SPATA16: variants seen among roughly 807,000 people sequenced by gnomAD.
SPATA16 encodes the protein spermatogenesis-associated protein 16.
SPATA16 carries 36 observed loss-of-function variants against 63.3 expected under a neutral mutation model. The ratio of observed to expected loss-of-function variants is 0.57; its 90% CI spans 0.44 to 0.75. The LOEUF is 0.75. SPATA16 is among the 30% of genes least tolerant of loss of function. The probability of loss-of-function intolerance (pLI) is 0.00; values close to 1 mark genes in which losing one functional copy is unlikely to be tolerated. For synonymous variants in SPATA16, 203 were observed against 216.7 expected (o/e 0.94, Z 0.56); for missense variants, 646 against 679.3 (o/e 0.95, Z 0.54).
intron 3 of SPATA16, among the ~76,000 whole-genome samples, chr3:173,032,742 T>C (rs992776868): frequency 1.2e-4 from 19 of 152,136 alleles, no homozygotes; most frequent in African/African-American, 4.3e-4. Flanking sequence ...TTCTTCGACT[T>C]TCTTACTCAG....
chr3:172,965,615 C>T (rs1733899571), intron 5 of SPATA16, among the ~76,000 whole-genome samples: 1 of 151,846 alleles, frequency 6.6e-6, no homozygotes, highest in Non-Finnish European at 1.5e-5. Flanking sequence ...AATCAGACAC[C>T]TTATATTTTT....
At chr3:173,099,613 C>T (rs1737443108) in intron 2 of SPATA16, among the ~76,000 whole-genome samples, 1 of 152,056 alleles carries the variant, frequency 6.6e-6, no homozygotes, top group Non-Finnish European at 1.5e-5. Context: ...TAGAAAGGAG[C>T]CATTACTCTA....
chr3:173,012,799 A>G (rs574515789), intron 4 of SPATA16, among the ~76,000 whole-genome samples: 1 of 152,362 alleles, frequency 6.6e-6, no homozygotes, highest in South Asian at 2.1e-4. Flanking sequence ...AAAGATTTAA[A>G]TATAAAACCT....
intron 2 of SPATA16, among the ~76,000 whole-genome samples, chr3:173,088,164 A>C (rs1455577835): frequency 3.4e-5 from 5 of 146,684 alleles, no homozygotes; most frequent in African/African-American, 1.3e-4. Context: ...AGCTCACTGC[A>C]ACCTCCGCCT....
At chr3:173,004,034 G>T (rs993439635) in intron 4 of SPATA16, among the ~76,000 whole-genome samples, 1 of 152,160 alleles carries the variant, frequency 6.6e-6, no homozygotes, top group African/African-American at 2.4e-5. Context: ...GCTTGACCGT[G>T]ATTCTCTAGT....
chr3:172,936,769 G>A lies in SPATA16; in HGVS notation c.1082-11277C>T, dbSNP rs563246924. Among the ~76,000 whole-genome samples, 20 of 152,202 alleles carry A rather than the reference G, an allele frequency of 1.3e-4. No homozygotes were observed. In the East Asian group the frequency reaches 3.5e-3, roughly 26 times the overall value. ...GTCGACCAGACTGGCATGCAATGGC[G>A]TGATCTCGGCTTACTGCAACCTCTG... On this transcript the variant is annotated intron_variant, in intron 6 of 10. Coordinates refer to ENST00000351008, the MANE Select transcript of SPATA16 (RefSeq NM_031955.6).
intron 10 of SPATA16, among the ~76,000 whole-genome samples, chr3:172,893,087 AG>A: frequency 6.6e-6 from 1 of 152,344 alleles, no homozygotes; most frequent in South Asian, 2.1e-4. Context: ...GTCATCAGTC[AG>A]TTTCTCAACA....
At chr3:173,051,829 A>G (rs1017452739) in intron 2 of SPATA16, among the ~76,000 whole-genome samples, 2 of 148,762 alleles carry the variant, frequency 1.3e-5, no homozygotes, top group African/African-American at 5.0e-5. Context: ...TTTTTTCTTG[A>G]GACAGAGTCT....
At chr3:173,053,353 G>C (rs1560108055) in intron 2 of SPATA16, among the ~76,000 whole-genome samples, 2 of 151,984 alleles carry the variant, frequency 1.3e-5, no homozygotes, top group Non-Finnish European at 2.9e-5. Context: ...CTCCAGCCTG[G>C]GTGACAGACT....
At chr3:172,954,195 C>CA (rs1467729178) in intron 6 of SPATA16, among the ~76,000 whole-genome samples, 5 of 152,198 alleles carry the variant, frequency 3.3e-5, no homozygotes, top group African/African-American at 9.6e-5. Context: ...CACAGTTCCA[C>CA]ATGGCTGGGG....
chr3:172,960,307 G>A (rs1201268068), intron 5 of SPATA16, among the ~76,000 whole-genome samples: 1 of 152,190 alleles, frequency 6.6e-6, no homozygotes. Context: ...AATGTTGCAC[G>A]TGTGCAGAAA....
chr3:172,965,361 C>T (rs899375617), intron 5 of SPATA16, among the ~76,000 whole-genome samples: 3 of 152,162 alleles, frequency 2.0e-5, no homozygotes, highest in Non-Finnish European at 4.4e-5. Context: ...AAGGTTCTTG[C>T]ACAGAGCTTC....
chr3:173,044,895 G>T (rs1735922895), intron 3 of SPATA16, among the ~76,000 whole-genome samples: 1 of 151,958 alleles, frequency 6.6e-6, no homozygotes, highest in Non-Finnish European at 1.5e-5. Context: ...TTAAGGTGTG[G>T]TCCTTTTGGT....
At chr3:172,936,997 A>T (rs560942444) in intron 6 of SPATA16, among the ~76,000 whole-genome samples, 1 of 152,268 alleles carries the variant, frequency 6.6e-6, no homozygotes, top group African/African-American at 2.4e-5. Flanking sequence ...TATAACTGGT[A>T]TCTAAAGTGG....
At chr3:173,011,144 C>G (rs1735065345) in intron 4 of SPATA16, among the ~76,000 whole-genome samples, 1 of 152,018 alleles carries the variant, frequency 6.6e-6, no homozygotes, top group Non-Finnish European at 1.5e-5. Context: ...AAAAAGAAAA[C>G]TACAGGCACA....
At chr3:172,965,537 A>G (rs1006817227) in intron 5 of SPATA16, among the ~76,000 whole-genome samples, 7 of 152,050 alleles carry the variant, frequency 4.6e-5, no homozygotes, top group African/African-American at 1.7e-4. Context: ...TATTACTCAC[A>G]GTTTGTTCTG....
intron 3 of SPATA16, among the ~76,000 whole-genome samples, chr3:173,038,663 T>G (rs1202158188): frequency 1.3e-5 from 2 of 152,082 alleles, no homozygotes; most frequent in East Asian, 3.9e-4. Flanking sequence ...AGTTTTCTCC[T>G]TGTTGATAAG....
At chr3:173,046,109 TAGC>T (rs1378539926) in intron 3 of SPATA16, among the ~76,000 whole-genome samples, 1 of 152,046 alleles carries the variant, frequency 6.6e-6, no homozygotes, top group East Asian at 1.9e-4. Context: ...AAAAGAATCA[TAGC>T]AGGATTTTTA....
intron 3 of SPATA16, among the ~76,000 whole-genome samples, chr3:173,046,351 A>G (rs1440628481): frequency 6.6e-6 from 1 of 152,054 alleles, no homozygotes; most frequent in Non-Finnish European, 1.5e-5. Flanking sequence ...GAGCCTTTGT[A>G]TCATTGACTA....
Sources: gnomAD v4.1 joint callset for allele counts (sites outside exome capture counted in the v4.1 genomes callset) on GRCh38, gnomAD v4.1.1 for gene constraint, MANE v1.5 for transcripts, NCBI Gene and HGNC (gene_info 2026-07-23, HGNC 2026-07-21) for gene names.